The following HMCN2 variants were observed in gnomAD, a reference collection of about 807,000 sequenced individuals.
HMCN2 encodes hemicentin-2.
HMCN2 carries 325 observed loss-of-function variants against 377.5 expected under a neutral mutation model. That is an observed-to-expected ratio of 0.86 (90% confidence interval 0.79 to 0.94). The LOEUF is 0.94. Among genes scored for constraint, HMCN2 ranks in the 40% least tolerant of loss-of-function variants. The pLI is 0.00. For missense variants in HMCN2, 4,543 were observed against 4,725.3 expected (o/e 0.96, Z 1.13); for synonymous variants, 2,007 against 2,046.8 (o/e 0.98, Z 0.53).
rs967812104 is a variant in HMCN2 at position 130,400,901 on chromosome 9, C to T, written c.11724C>T (p.Gly3908=). The T allele has an allele frequency of 1.9e-5, 24 of 1,289,380 alleles. No homozygotes were observed. The highest frequency in any genetic ancestry group is 1.2e-4 in the African/African-American group (8 of 65,962). 79.9% of individuals were successfully genotyped at this position (1,289,380 alleles called of 1,614,324 possible). ...CGACCGTGTCCTGGAGCAAGGCAGG[C>T]GCCCAGCTAGGAGCTCGGGGGAGTG... ...PAPTVSWSKA[G]AQLGARGSGY... Residue 3908 remains glycine, a synonymous_variant, in exon 77 of 98, where the codon GGC becomes GGT. Coordinates refer to ENST00000683500, the MANE Select transcript of HMCN2 (RefSeq NM_001291815.2).
chr9:130,359,512 G>A (rs1840241662), intron 37 of HMCN2, 98 bp downstream of exon 37: 2 of 477,566 alleles, frequency 4.2e-6, no homozygotes, highest in Non-Finnish European at 7.4e-6. Context: ...GGACATAATG[G>A]GGAGAAATCA....
At chr9:130,353,894 G>A (rs1281043718) in intron 31 of HMCN2, among the ~76,000 whole-genome samples, 2 of 152,146 alleles carry the variant, frequency 1.3e-5, no homozygotes, top group African/African-American at 4.8e-5. Flanking sequence ...GCTGATAGGG[G>A]TCAGCCTGGC....
At chr9:130,356,381 TG>T in intron 34 of HMCN2, 124 bp downstream of exon 34, 2 of 974,750 alleles carry the variant, frequency 2.1e-6, no homozygotes, top group Middle Eastern at 4.6e-4. Flanking sequence ...GTTTCTGGGC[TG>T]GACTTCCCAG....
chr9:130,375,769 A>G, intron 50 of HMCN2, 33 bp downstream of exon 50: 2 of 984,624 alleles, frequency 2.0e-6, no homozygotes, highest in Non-Finnish European at 2.4e-6. Context: ...GAGGGAGGGA[A>G]CAGGTGACAT....
intron 56 of HMCN2, among the ~76,000 whole-genome samples, chr9:130,383,208 GAC>G (rs1402119608): frequency 2.7e-5 from 4 of 150,940 alleles, no homozygotes; most frequent in Non-Finnish European, 5.9e-5. Context: ...CCCATGTGCA[GAC>G]ACAGAGCTGC....
At chr9:130,429,336 G>T in intron 93 of HMCN2, 1 of 593,958 alleles carries the variant, frequency 1.7e-6, no homozygotes. Context: ...GCCCACAAAG[G>T]GCCTTTCAGC....
chr9:130,383,415 A>C, intron 56 of HMCN2, 89 bp from the exon 57 acceptor site: 1 of 503,526 alleles, frequency 2.0e-6, no homozygotes, highest in Non-Finnish European at 2.6e-6. Context: ...CTGGCATGGG[A>C]TGGGAGGGAT....
At chr9:130,396,121 C>T (rs1379325526) in intron 72 of HMCN2, 48 bp from the exon 73 acceptor site, 10 of 1,248,456 alleles carry the variant, frequency 8.0e-6, no homozygotes, top group Non-Finnish European at 1.0e-5. Flanking sequence ...CTGCCCACCC[C>T]CTTAGAGCCA....
rs1307476586 is a variant in HMCN2, at chr9:130,401,727, G to A, written c.11770+780G>A. On this transcript the variant is annotated intron_variant, in intron 77 of 97. Coordinates refer to ENST00000683500, the MANE Select transcript of HMCN2 (RefSeq NM_001291815.2). ...GTTAGTTCGTTAGCGAAACACTAAA[G>A]TCTAGGAACCAGTGGCCAAACCTGT... Among the ~76,000 whole-genome samples, 3 of 152,206 alleles carry A rather than the reference G, an allele frequency of 2.0e-5. No homozygotes were observed. In the East Asian group the frequency reaches 5.8e-4, roughly 29 times the overall value.
At chr9:130,298,193 A>T (rs1334408779) in intron 7 of HMCN2, among the ~76,000 whole-genome samples, 2 of 152,062 alleles carry the variant, frequency 1.3e-5, no homozygotes, top group African/African-American at 4.8e-5. Flanking sequence ...ACCTCAGGTG[A>T]TCTGCCTGCC....
At chr9:130,332,477 T>C (rs1393187639) in intron 22 of HMCN2, among the ~76,000 whole-genome samples, 1 of 152,182 alleles carries the variant, frequency 6.6e-6, no homozygotes, top group Non-Finnish European at 1.5e-5. Flanking sequence ...TGAGAGCGTG[T>C]TTGGCGGCAC....
chr9:130,398,543 C>T lies in HMCN2; in HGVS notation c.11327-8C>T. ...GCACCTGTCTCCTGACCACTGTGCT[C>T]TCCCCAGAGCCTCCAGCCATCGCCC... On this transcript the variant is annotated splice_polypyrimidine_tract_variant and splice_region_variant and intron_variant, in intron 74 of 97. Coordinates refer to ENST00000683500, the MANE Select transcript of HMCN2 (RefSeq NM_001291815.2). 8.2e-7 allele frequency: 1 copy of T among 1,214,084 alleles called. No homozygotes were observed. Among genetic ancestry groups the T allele is most frequent in the Non-Finnish European group, 1.1e-6 (1 of 945,176 alleles). 75.2% of individuals were successfully genotyped at this position (1,214,084 alleles called of 1,614,324 possible). A position where few individuals can be genotyped will look rare whatever the true frequency, so the allele number is the denominator to read the frequency against.
intron 1 of HMCN2, among the ~76,000 whole-genome samples, chr9:130,275,003 A>G (rs1169484782): frequency 6.6e-6 from 1 of 152,184 alleles, no homozygotes; most frequent in Non-Finnish European, 1.5e-5. Context: ...GTATAGGAGC[A>G]TTTTCCATTT....
intron 78 of HMCN2, 56 bp from the exon 79 acceptor site, chr9:130,403,138 T>A (rs1842932890): frequency 8.0e-7 from 1 of 1,255,778 alleles, no homozygotes; most frequent in African/African-American, 1.5e-5. Flanking sequence ...GCCCGCTGGT[T>A]GGAGGAGTTG....
chr9:130,427,634 G>T lies in HMCN2; in HGVS notation c.14065+15G>T, dbSNP rs558573694. On this transcript the variant is annotated intron_variant, in intron 92 of 97. Coordinates refer to ENST00000683500, the MANE Select transcript of HMCN2 (RefSeq NM_001291815.2). ...GAACTGCAGAGGTGAGGGAGCTGCC[G>T]GGAGGAGGGAGGAGACGCGCTCCTC... 2,959 of 1,545,964 alleles carry T rather than the reference G, an allele frequency of 1.9e-3. 26 individuals carry two copies. Among genetic ancestry groups the T allele is most frequent in the South Asian group, 0.016 (1,327 of 83,228 alleles).
chr9:130,380,950 C>T (rs1469091011), intron 54 of HMCN2, among the ~76,000 whole-genome samples: 1 of 152,064 alleles, frequency 6.6e-6, no homozygotes, highest in Admixed American at 6.6e-5. Flanking sequence ...TAGGCTCTGA[C>T]CTGCTGATCC....
rs1024067050 is a variant in HMCN2, at chr9:130,369,977, G to A, written c.7069+126G>A. On this transcript the variant is annotated intron_variant, in intron 45 of 97. Transcript: ENST00000683500. The surrounding 1 kb of genome is among the most constrained non-coding windows in gnomAD (Gnocchi z 4.5). ...TCACACCTGTTCTTTCTGGAGTCAG[G>A]GCTCTAATGAGAGCTGCTGGTGGGG... The A allele has an allele frequency of 1.6e-5, 8 of 495,822 alleles. No individual in the cohort carries two copies. The highest frequency in any genetic ancestry group is 2.1e-5 in the Non-Finnish European group (8 of 382,520). 30.7% of individuals were successfully genotyped at this position (495,822 alleles called of 1,614,324 possible). A position where few individuals can be genotyped will look rare whatever the true frequency, so the allele number is the denominator to read the frequency against.
chr9:130,407,252 GA>G (rs535053689), intron 82 of HMCN2: 1,850 of 158,944 alleles, frequency 0.012, no homozygotes, highest in South Asian at 0.036. Flanking sequence ...CTGTCTCAAA[GA>G]AAAAAAAAAA....
rs1025856914 is a variant in HMCN2 at position 130,369,622 on chromosome 9, C to A, written c.6840C>A (p.Val2280=). The change falls in exon 45 of 98, where the codon GTC becomes GTA. Residue 2280 remains valine (V), a synonymous_variant. Transcript: ENST00000683500. This position sits in a 1 kb window ranked among gnomAD's most constrained non-coding sequence, Gnocchi z 4.5. ...AGCCTCCCACACAAGTCTCTGTGGT[C>A]CAGGATGGAGTGGCCACTCTGGAGT... ...PREPPTQVSV[V]QDGVATLECN... 1.4e-4 allele frequency: 140 copies of A among 985,888 alleles called. 1 individual carries two copies. The highest frequency in any genetic ancestry group is 1.7e-4 in the Non-Finnish European group (138 of 829,958). The allele number at this position is 985,888 out of a possible 1,614,324, so 61.1% of individuals were successfully genotyped here. A position where few individuals can be genotyped will look rare whatever the true frequency, so the allele number is the denominator to read the frequency against.
Sources: allele counts gnomAD v4.1 joint callset (sites outside exome capture counted in the v4.1 genomes callset), GRCh38; gene constraint gnomAD v4.1.1; non-coding constraint Gnocchi (gnomAD v3.1); transcripts MANE v1.5; gene names NCBI Gene and HGNC (gene_info 2026-07-23, HGNC 2026-07-21).